Variants in MICU1 observed in about 807,000 individuals in gnomAD.
MICU1 encodes mitochondrial calcium uptake 1.
Under a neutral mutation model 56.8 loss-of-function variants are expected in MICU1, and 45 were observed. The observed-to-expected ratio is 0.79, with a 90% CI of 0.62 to 1.02. The LOEUF is 1.02. Among genes scored for constraint, MICU1 ranks in the 50% least tolerant of loss-of-function variants. MICU1 has a pLI of 0.00. For missense variants in MICU1, 504 were observed against 587.1 expected, an observed-to-expected ratio of 0.86 and a Z score of 1.46; for synonymous variants, 186 against 195.1, an observed-to-expected ratio of 0.95 and a Z score of 0.39.
chr10:72,477,640 C>T, intron 6 of MICU1: 2 of 1,151,916 alleles, frequency 1.7e-6, no homozygotes, highest in Non-Finnish European at 2.5e-6. Flanking sequence ...AGACATATTG[C>T]TGCAAAGTAA....
At chr10:72,546,922 C>CAG (rs1444377150) in intron 4 of MICU1, among the ~76,000 whole-genome samples, 6 of 148,998 alleles carry the variant, frequency 4.0e-5, no homozygotes, top group African/African-American at 1.5e-4. Flanking sequence ...GATGGAGTCT[C>CAG]GCTCTGTCGC....
intron 1 of MICU1, among the ~76,000 whole-genome samples, chr10:72,617,567 T>C (rs897134342): frequency 9.9e-5 from 15 of 152,096 alleles, no homozygotes; most frequent in African/African-American, 3.6e-4. Context: ...CTGTCTCTAC[T>C]AAAAATAAAA....
intron 8 of MICU1, among the ~76,000 whole-genome samples, chr10:72,473,594 G>A (rs1866012844): frequency 6.6e-6 from 1 of 152,010 alleles, no homozygotes; most frequent in Admixed American, 6.6e-5. Flanking sequence ...CTTAGACTGG[G>A]ACCATTTAGA....
intron 10 of MICU1, among the ~76,000 whole-genome samples, chr10:72,390,788 T>C (rs1863042679): frequency 6.6e-6 from 1 of 152,244 alleles, no homozygotes; most frequent in Admixed American, 6.5e-5. Context: ...CCTCCACTTT[T>C]AAGCTCCTAG....
chr10:72,518,109 TACA>T (rs1231264651), intron 5 of MICU1, among the ~76,000 whole-genome samples: 3 of 151,804 alleles, frequency 2.0e-5, no homozygotes, highest in African/African-American at 7.3e-5. Flanking sequence ...CTCAGCTCAC[TACA>T]ACGTCTGCCT....
At chr10:72,585,994 A>ATTTTTTTTT (rs1276935862) in intron 1 of MICU1, among the ~76,000 whole-genome samples, 2 of 100,202 alleles carry the variant, frequency 2.0e-5, no homozygotes, top group Non-Finnish European at 2.1e-5. Flanking sequence ...TATTGTTTTT[A>ATTTTTTTTT]TTTTTTCTTT....
chr10:72,563,647 G>C (rs1293859337), intron 2 of MICU1, among the ~76,000 whole-genome samples: 1 of 152,186 alleles, frequency 6.6e-6, no homozygotes, highest in Non-Finnish European at 1.5e-5. Context: ...CTGGAGATCT[G>C]TTTCACAATG....
intron 1 of MICU1, among the ~76,000 whole-genome samples, chr10:72,622,564 T>G (rs141766527): frequency 6.6e-6 from 1 of 152,296 alleles, no homozygotes; most frequent in Non-Finnish European, 1.5e-5. Flanking sequence ...TCTTTCTTCT[T>G]GGGTTTCTGA....
intron 8 of MICU1, among the ~76,000 whole-genome samples, chr10:72,467,173 G>T (rs558701730): frequency 4.4e-4 from 67 of 151,472 alleles, no homozygotes; most frequent in African/African-American, 1.4e-3. Context: ...TAATTTTCTG[G>T]TTTTTTGTTT....
chr10:72,438,836 T>C (rs914212181), intron 8 of MICU1, among the ~76,000 whole-genome samples: 3 of 152,000 alleles, frequency 2.0e-5, no homozygotes, highest in African/African-American at 7.2e-5. Context: ...TACACCCTCC[T>C]AAGACTAAAC....
intron 10 of MICU1, among the ~76,000 whole-genome samples, chr10:72,396,932 G>C (rs1022153441): frequency 6.6e-6 from 1 of 152,102 alleles, no homozygotes; most frequent in Non-Finnish European, 1.5e-5. Context: ...GAAATACAGA[G>C]AACACCACAA....
At chr10:72,507,952 T>C (rs115949928) in intron 6 of MICU1, among the ~76,000 whole-genome samples, 369 of 152,298 alleles carry the variant, frequency 2.4e-3, no homozygotes, top group African/African-American at 8.7e-3. Flanking sequence ...TTTGATACTT[T>C]AGTTTTCTCT....
chr10:72,547,533 GTATA>G (rs5786084), intron 4 of MICU1, among the ~76,000 whole-genome samples: 15 of 146,186 alleles, frequency 1.0e-4, no homozygotes, highest in African/African-American at 1.0e-4. Flanking sequence ...ATACACATAT[GTATA>G]TATATATATA....
At chr10:72,454,062 CT>C (rs1356170616) in intron 8 of MICU1, among the ~76,000 whole-genome samples, 2 of 152,002 alleles carry the variant, frequency 1.3e-5, no homozygotes, top group Non-Finnish European at 2.9e-5. Flanking sequence ...TCTCAAACTT[CT>C]GACATCAGGT....
In MICU1 at chr10:72,562,873, CTTAT is replaced by C; in HGVS notation, c.330+18_330+21del. The stretch of plus-strand genomic sequence containing the variant: ...TACTTTAAGATATACTTCTGATCAA[CTTAT>C]AAGACTATGTTTCATACTTTTCTGT... On this transcript the variant is annotated intron_variant, in intron 3 of 11. Coordinates refer to ENST00000361114, the MANE Select transcript of MICU1 (RefSeq NM_001195518.2). 1 of 1,553,428 alleles carries C rather than the reference CTTAT, an allele frequency of 6.4e-7. No individual in the cohort carries two copies. The highest frequency in any genetic ancestry group is 1.4e-5 in the African/African-American group (1 of 72,432).
At chr10:72,535,350 T>G (rs111591099) in intron 4 of MICU1, among the ~76,000 whole-genome samples, 4,190 of 152,146 alleles carry the variant, frequency 0.028, 181 homozygotes, top group African/African-American at 0.095. Flanking sequence ...TATTTTTTAA[T>G]GTACTGTCAA....
At chr10:72,379,677 G>T in intron 10 of MICU1, 1 of 314,510 alleles carries the variant, frequency 3.2e-6, no homozygotes, top group South Asian at 2.5e-5. Context: ...GGTATTAAGT[G>T]GTTGTAGAAT....
At chr10:72,576,165 G>T (rs542167026) in intron 1 of MICU1, among the ~76,000 whole-genome samples, 1 of 135,146 alleles carries the variant, frequency 7.4e-6, no homozygotes, top group Non-Finnish European at 1.5e-5. Context: ...AGTGAGCTGA[G>T]ATCGTGCCAC....
chr10:72,381,324 G>T (rs1467632985), intron 10 of MICU1, among the ~76,000 whole-genome samples: 1 of 152,170 alleles, frequency 6.6e-6, no homozygotes, highest in Non-Finnish European at 1.5e-5. Context: ...TTCAGCCCTG[G>T]AAAGGCTGAT....
Sources: allele counts gnomAD v4.1 joint callset (sites outside exome capture counted in the v4.1 genomes callset), GRCh38; gene constraint gnomAD v4.1.1; transcripts MANE v1.5; gene names NCBI Gene and HGNC (gene_info 2026-07-23, HGNC 2026-07-21).